SLC39A11: variants seen among roughly 807,000 people sequenced by gnomAD.
SLC39A11 encodes solute carrier family 39 member 11, also known as zinc transporter ZIP11.
In SLC39A11, 33 loss-of-function variants were observed where a neutral mutation model predicts 36.1. The ratio of observed to expected loss-of-function variants is 0.91; its 90% CI spans 0.69 to 1.22. SLC39A11 has a LOEUF of 1.22. Among genes scored for constraint, SLC39A11 ranks in the 50% most tolerant of loss-of-function variants. The pLI is 0.00. For missense variants in SLC39A11, 432 were observed against 430.3 expected, an observed-to-expected ratio of 1.00 and a Z score of -0.03; for synonymous variants, 166 against 170.3, an observed-to-expected ratio of 0.97 and a Z score of 0.20.
intron 4 of SLC39A11, among the ~76,000 whole-genome samples, chr17:72,952,383 T>C (rs181780156): frequency 1.3e-5 from 2 of 152,318 alleles, no homozygotes; most frequent in East Asian, 3.9e-4. Flanking sequence ...AGCTTTATCA[T>C]AGCGTCCCTG....
rs373924739 is a variant in SLC39A11, at chr17:73,069,174, C to A, written c.147+15634G>T. Among the ~76,000 whole-genome samples the A allele has an allele frequency of 1.0e-3, 156 of 152,300 alleles. 5 individuals carry two copies. The South Asian group carries it at 0.029, about 28-fold the overall frequency. Reference sequence around the variant, plus strand: ...ACTTGTCAAAACTCAACCTATCCCTCCCACCCAAGCTCATCCATGAAGAAG... The same window carrying A: ...ACTTGTCAAAACTCAACCTATCCCTACCACCCAAGCTCATCCATGAAGAAG... On this transcript the variant is annotated intron_variant, in intron 3 of 9. Transcript: ENST00000255559.
intron 6 of SLC39A11, among the ~76,000 whole-genome samples, chr17:72,820,881 C>A (rs1196279292): frequency 6.6e-6 from 1 of 151,190 alleles, no homozygotes; most frequent in Admixed American, 6.6e-5. Flanking sequence ...AGGGTCCCCC[C>A]AGCACTTCCT....
At chr17:72,700,740 A>C (rs1376449688) in intron 7 of SLC39A11, among the ~76,000 whole-genome samples, 1 of 152,222 alleles carries the variant, frequency 6.6e-6, no homozygotes, top group Non-Finnish European at 1.5e-5. Flanking sequence ...GGGAGGCCTC[A>C]CAGTCATGGC....
chr17:72,779,171 C>T (rs1213243178), intron 6 of SLC39A11, among the ~76,000 whole-genome samples: 3 of 152,162 alleles, frequency 2.0e-5, no homozygotes, highest in Admixed American at 6.5e-5. Flanking sequence ...GGGCTGGATG[C>T]GGTGGCTCAC....
intron 7 of SLC39A11, among the ~76,000 whole-genome samples, chr17:72,650,845 C>A (rs1157502461): frequency 1.3e-5 from 2 of 152,172 alleles, no homozygotes; most frequent in Admixed American, 1.3e-4. Context: ...CTGCCCCAGG[C>A]TCCCGGGACT....
In SLC39A11 at chr17:72,726,741, C is replaced by T. The variant is rs142555494; in HGVS notation, c.671+9909G>A. ...TCTTAAATAATTGTTAATATATCAA[C>T]ATATATATGTATAAGCCAGGGGAAA... is the stretch of plus-strand genomic sequence containing the variant. On this transcript the variant is annotated intron_variant, in intron 7 of 9. Transcript: ENST00000255559. 1.3e-4 allele frequency among the ~76,000 whole-genome samples: 20 copies of T among 152,272 alleles called. No individual in the cohort carries two copies. In the East Asian group the frequency reaches 3.7e-3, roughly 28 times the overall value.
rs757711469 is a variant in SLC39A11, at chr17:72,822,728, TTTTC to T, written c.601+26902_601+26905del. ...ACCCTAAACTTTTTTTCTTTCTTTC[TTTTC>T]TTTCTTTTTTTTTGCTCTGTCACCC... On this transcript the variant is annotated intron_variant, in intron 6 of 9. Transcript: ENST00000255559. 1.9e-4 allele frequency among the ~76,000 whole-genome samples: 28 copies of T among 150,980 alleles called. 1 individual carries two copies. The highest frequency in any genetic ancestry group is 3.4e-4 in the Non-Finnish European group (23 of 67,384).
intron 4 of SLC39A11, among the ~76,000 whole-genome samples, chr17:73,014,261 C>T (rs759971689): frequency 8.5e-5 from 13 of 152,160 alleles, no homozygotes; most frequent in Non-Finnish European, 1.6e-4. Context: ...CCCAGCATGT[C>T]TGGGGAGGAA....
At chr17:72,938,448 C>G (rs961762030) in intron 5 of SLC39A11, among the ~76,000 whole-genome samples, 1 of 152,178 alleles carries the variant, frequency 6.6e-6, no homozygotes, top group African/African-American at 2.4e-5. Flanking sequence ...TCAAATCCAG[C>G]CTTCTGTTCC....
chr17:72,892,769 G>GT (rs920450542), intron 5 of SLC39A11, among the ~76,000 whole-genome samples: 2 of 152,198 alleles, frequency 1.3e-5, no homozygotes, highest in African/African-American at 4.8e-5. Context: ...AATTTCTGAA[G>GT]TTTTTTAGAA....
At chr17:72,825,953 T>C (rs539284872) in intron 6 of SLC39A11, among the ~76,000 whole-genome samples, 2 of 152,220 alleles carry the variant, frequency 1.3e-5, no homozygotes, top group Non-Finnish European at 2.9e-5. Context: ...CTGTGGACTT[T>C]TGAGTTAAAG....
chr17:72,954,851 G>T (rs1239552679), intron 4 of SLC39A11, among the ~76,000 whole-genome samples: 4 of 152,176 alleles, frequency 2.6e-5, no homozygotes, highest in Non-Finnish European at 2.9e-5. Flanking sequence ...ACACAGAGTG[G>T]CACAGACACT....
At chr17:72,711,729 CAT>C (rs1379731879) in intron 7 of SLC39A11, among the ~76,000 whole-genome samples, 2 of 152,124 alleles carry the variant, frequency 1.3e-5, no homozygotes, top group African/African-American at 2.4e-5. Flanking sequence ...TGGAGATTCC[CAT>C]CAGGTTGAGC....
rs143590129 is a variant in SLC39A11 at position 72,937,329 on chromosome 17, C to T, written c.430+10423G>A. 7.9e-3 allele frequency among the ~76,000 whole-genome samples: 1,206 copies of T among 152,210 alleles called. 5 individuals carry two copies. Among genetic ancestry groups the T allele is most frequent in the Non-Finnish European group, 0.011 (755 of 68,010 alleles). On this transcript the variant is annotated intron_variant, in intron 5 of 9. Transcript: ENST00000255559. ...AATTAGCTGGGCATGGTAGCGCATG[C>T]CTGTAATCCCAGCTACTCCGGAGAC... is the stretch of plus-strand genomic sequence containing the variant.
chr17:72,795,650 T>C (rs1443196758), intron 6 of SLC39A11, among the ~76,000 whole-genome samples: 3 of 152,104 alleles, frequency 2.0e-5, no homozygotes, highest in African/African-American at 7.3e-5. Context: ...ATTAACAGAT[T>C]TCTGGACATA....
At chr17:72,699,108 G>A (rs111774634) in intron 7 of SLC39A11, among the ~76,000 whole-genome samples, 1 of 151,992 alleles carries the variant, frequency 6.6e-6, no homozygotes, top group African/African-American at 2.4e-5. Flanking sequence ...GGATTACAGG[G>A]GTGAGCCACA....
At chr17:72,878,555 C>G (rs927760770) in intron 5 of SLC39A11, among the ~76,000 whole-genome samples, 10 of 152,190 alleles carry the variant, frequency 6.6e-5, no homozygotes, top group Non-Finnish European at 8.8e-5. Flanking sequence ...AGACCTTACT[C>G]ACATGCCATC....
At chr17:73,010,819 G>A (rs984293490) in intron 4 of SLC39A11, among the ~76,000 whole-genome samples, 6 of 152,182 alleles carry the variant, frequency 3.9e-5, no homozygotes, top group African/African-American at 7.2e-5. Context: ...CCAAAAAAGC[G>A]GTCAATTGCA....
chr17:72,890,670 G>A (rs2081692102), intron 5 of SLC39A11, among the ~76,000 whole-genome samples: 1 of 152,164 alleles, frequency 6.6e-6, no homozygotes, highest in Non-Finnish European at 1.5e-5. Context: ...AGAGCAGGGG[G>A]ATTTCATTCT....
Sources: allele counts gnomAD v4.1 joint callset (sites outside exome capture counted in the v4.1 genomes callset), GRCh38; gene constraint gnomAD v4.1.1; transcripts MANE v1.5; gene names NCBI Gene and HGNC (gene_info 2026-07-23, HGNC 2026-07-21).